PCBP3: variants seen among roughly 807,000 people sequenced by gnomAD.
PCBP3 encodes the protein poly(rC)-binding protein 3.
PCBP3 carries 25 observed loss-of-function variants against 52.7 expected under a neutral mutation model. The ratio of observed to expected loss-of-function variants is 0.47; its 90% confidence interval spans 0.35 to 0.66. The LOEUF (loss-of-function observed/expected upper bound fraction) is 0.66. Among genes scored for constraint, PCBP3 ranks in the 30% least tolerant of loss-of-function variants. The probability of loss-of-function intolerance (pLI) is 0.01; values close to 1 mark genes in which losing one functional copy is unlikely to be tolerated. For missense variants in PCBP3, 391 were observed against 490.3 expected, an observed-to-expected ratio of 0.80 and a Z score of 1.91; for synonymous variants, 162 against 183.0, an observed-to-expected ratio of 0.89 and a Z score of 0.93.
rs140396194 is a variant in PCBP3 at position 45,721,816 on chromosome 21, G to A, written c.-199-13576G>A. Among the ~76,000 whole-genome samples, 765 of 152,234 alleles carry A rather than the reference G, an allele frequency of 5.0e-3. 15 individuals are homozygous for A. Among genetic ancestry groups the A allele is most frequent in the South Asian group, 0.045 (218 of 4,820 alleles). ...AAATGTATGTGCATTGTTCTTTGAC[G>A]ATCTCATCTGCATGTATTTTGAGAA... On this transcript the variant is annotated intron_variant, in intron 2 of 17. Transcript: ENST00000681687.
intron 2 of PCBP3, among the ~76,000 whole-genome samples, chr21:45,678,841 G>T (rs2147472614): frequency 6.6e-6 from 1 of 152,032 alleles, no homozygotes. Flanking sequence ...AATTTTGAAA[G>T]AAGTTATACC....
chr21:45,799,952 G>A (rs1239580327), intron 4 of PCBP3, among the ~76,000 whole-genome samples: 5 of 152,206 alleles, frequency 3.3e-5, no homozygotes, highest in East Asian at 3.9e-4. Context: ...GGTTGGCACC[G>A]GGCTCTCCAA....
chr21:45,938,024 G>A (rs1344892875), intron 16 of PCBP3, among the ~76,000 whole-genome samples: 1 of 152,248 alleles, frequency 6.6e-6, no homozygotes, highest in Non-Finnish European at 1.5e-5. Context: ...ACCCTGAGCA[G>A]CACATTGCAG....
At position 45,802,148 on chromosome 21, in the gene PCBP3, G is replaced by T. The variant is rs2092329580; in HGVS notation, c.-126+46696G>T. Among the ~76,000 whole-genome samples the T allele has an allele frequency of 6.6e-6, 1 of 152,212 alleles. No homozygotes were observed. The highest frequency in any genetic ancestry group is 1.5e-5 in the Non-Finnish European group (1 of 68,038). On this transcript the variant is annotated intron_variant, in intron 4 of 17. Coordinates refer to ENST00000681687, the MANE Select transcript of PCBP3 (RefSeq NM_001384156.1). The surrounding 1 kb of genome is among the most constrained non-coding windows in gnomAD (Gnocchi z 5.1). Reference sequence around the variant, plus strand: ...GGATGCCATCCTGGGCAGAGGCCTTGGCCCAGTGCAAGCTCTTTCTGCCCA... The same window carrying T: ...GGATGCCATCCTGGGCAGAGGCCTTTGCCCAGTGCAAGCTCTTTCTGCCCA...
At chr21:45,663,828 T>C (rs1286862506) in intron 1 of PCBP3, among the ~76,000 whole-genome samples, 1 of 152,110 alleles carries the variant, frequency 6.6e-6, no homozygotes, top group Non-Finnish European at 1.5e-5. Flanking sequence ...AGCCTTGTTC[T>C]TTTTGATTTG....
intron 2 of PCBP3, among the ~76,000 whole-genome samples, chr21:45,682,077 C>A (rs538207523): frequency 1.3e-5 from 2 of 152,188 alleles, no homozygotes; most frequent in African/African-American, 4.8e-5. Context: ...GAAACAATAG[C>A]TAAAAATTTC....
intron 5 of PCBP3, among the ~76,000 whole-genome samples, chr21:45,868,807 C>G (rs989519238): frequency 6.6e-6 from 1 of 152,200 alleles, no homozygotes; most frequent in Non-Finnish European, 1.5e-5. Context: ...CCATGGCGGA[C>G]GTCCTCACCC....
intron 5 of PCBP3, among the ~76,000 whole-genome samples, chr21:45,888,733 C>T (rs1221188027): frequency 2.0e-5 from 3 of 152,238 alleles, no homozygotes; most frequent in East Asian, 1.9e-4. Flanking sequence ...ATGTTCCACA[C>T]GTGGACAGTA....
chr21:45,741,307 T>G lies in PCBP3; in HGVS notation c.-162+5878T>G, dbSNP rs888096662. Among the ~76,000 whole-genome samples, 6 of 152,102 alleles carry G rather than the reference T, an allele frequency of 3.9e-5. No homozygotes were observed. The highest frequency in any genetic ancestry group is 4.4e-5 in the Non-Finnish European group (3 of 68,018). ...AAGAAAGCAGTGGGGAGGCCCTTAT[T>G]CACTGTGAGAAGCAGAAACATTGTG... On this transcript the variant is annotated intron_variant, in intron 3 of 17. Transcript: ENST00000681687. This position sits in a 1 kb window ranked among gnomAD's most constrained non-coding sequence, Gnocchi z 4.5.
intron 2 of PCBP3, among the ~76,000 whole-genome samples, chr21:45,728,254 AAG>A (rs2085203717): frequency 6.6e-6 from 1 of 152,198 alleles, no homozygotes; most frequent in African/African-American, 2.4e-5. Context: ...CAGGTTCAGA[AAG>A]AGTCCTTAAA....
chr21:45,790,191 A>G (rs1302170150), intron 4 of PCBP3, among the ~76,000 whole-genome samples: 1 of 152,008 alleles, frequency 6.6e-6, no homozygotes, highest in Non-Finnish European at 1.5e-5. Context: ...GGAAGCAGAG[A>G]CTGGTGAGGA....
At chr21:45,725,106 G>T (rs2084933527) in intron 2 of PCBP3, among the ~76,000 whole-genome samples, 1 of 152,084 alleles carries the variant, frequency 6.6e-6, no homozygotes, top group Non-Finnish European at 1.5e-5. Flanking sequence ...TCGTGGCTGT[G>T]TGATTTCCCC....
intron 13 of PCBP3, chr21:45,918,789 G>A (rs1403313901): frequency 6.7e-6 from 1 of 149,454 alleles, no homozygotes; most frequent in Non-Finnish European, 1.5e-5. Flanking sequence ...GCTGGGGGAA[G>A]AAGTTACCCT....
chr21:45,644,121 C>T (rs2079096607), intron 1 of PCBP3, among the ~76,000 whole-genome samples: 1 of 151,416 alleles, frequency 6.6e-6, no homozygotes, highest in South Asian at 2.1e-4. Flanking sequence ...CGCCTCCGCC[C>T]CCTCCCCAAA....
At chr21:45,742,306 G>T (rs975103701) in intron 3 of PCBP3, among the ~76,000 whole-genome samples, 1 of 152,186 alleles carries the variant, frequency 6.6e-6, no homozygotes, top group Non-Finnish European at 1.5e-5. Context: ...CTTGAACAAG[G>T]CTGTACCAGA....
intron 3 of PCBP3, among the ~76,000 whole-genome samples, chr21:45,751,782 C>T (rs915240963): frequency 1.3e-5 from 2 of 152,190 alleles, no homozygotes; most frequent in African/African-American, 4.8e-5. Context: ...ACCACCACAG[C>T]CACACCATGG....
At chr21:45,912,085 C>T (rs1005972931) in intron 11 of PCBP3, among the ~76,000 whole-genome samples, 1 of 152,208 alleles carries the variant, frequency 6.6e-6, no homozygotes, top group Admixed American at 6.5e-5. Flanking sequence ...TGGGTCTCGT[C>T]AGCGTCACCC....
chr21:45,849,952 G>T lies in PCBP3; in HGVS notation c.-125-9G>T. ...TGCGCTCACACAGCCCTGTGTTTTT[G>T]TGTTTTAGGTCGGTAGGCTCCACGA... is the stretch of plus-strand genomic sequence containing the variant. On this transcript the variant is annotated splice_polypyrimidine_tract_variant and intron_variant, in intron 4 of 17. Transcript: ENST00000681687. The T allele has an allele frequency of 1.2e-6, 1 of 808,044 alleles. No individual in the cohort carries two copies. Among genetic ancestry groups the T allele is most frequent in the Non-Finnish European group, 2.1e-6 (1 of 473,310 alleles). 50.1% of individuals were successfully genotyped at this position (808,044 alleles called of 1,614,324 possible). A position where few individuals can be genotyped will look rare whatever the true frequency, so the allele number is the denominator to read the frequency against.
At chr21:45,714,323 CCA>C (rs1446848818) in intron 2 of PCBP3, among the ~76,000 whole-genome samples, 1 of 152,176 alleles carries the variant, frequency 6.6e-6, no homozygotes, top group East Asian at 1.9e-4. Flanking sequence ...GAACTCTTGA[CCA>C]TTCCAGGACA....
Sources: gnomAD v4.1 joint callset for allele counts (sites outside exome capture counted in the v4.1 genomes callset) on GRCh38, gnomAD v4.1.1 for gene constraint, Gnocchi (gnomAD v3.1) non-coding constraint, MANE v1.5 for transcripts, NCBI Gene and HGNC (gene_info 2026-07-23, HGNC 2026-07-21) for gene names.